The following HDAC8 variants were observed in gnomAD, a reference collection of about 807,000 sequenced individuals.
HDAC8 encodes the protein histone deacetylase 8.
HDAC8 carries 1 observed loss-of-function variant against 32.2 expected under a neutral mutation model. The ratio of observed to expected loss-of-function variants is 0.03; its 90% CI spans 0.01 to 0.15. The LOEUF (loss-of-function observed/expected upper bound fraction) is 0.15, where lower values mean the gene tolerates loss of function less well. HDAC8 is among the 10% of genes least tolerant of loss of function. The pLI, the probability that HDAC8 is intolerant of heterozygous loss-of-function variation, is 1.00. For synonymous variants in HDAC8, 108 were observed against 113.9 expected (o/e 0.95, Z 0.33); for missense variants, 117 against 300.0 (o/e 0.39, Z 4.51).
chrX:72,360,352 CAA>C (rs148601239), intron 9 of HDAC8, among the ~76,000 whole-genome samples: 7 of 100,547 alleles, frequency 7.0e-5, no homozygotes, highest in Admixed American at 2.1e-4. Context: ...GAGACTCCGT[CAA>C]AAAAAAAAAA....
At chrX:72,541,375 G>A (rs2050703279) in intron 4 of HDAC8, among the ~76,000 whole-genome samples, 1 of 111,878 alleles carries the variant, frequency 8.9e-6, no homozygotes, top group Non-Finnish European at 1.9e-5. Flanking sequence ...GAACAGTGAG[G>A]GAAAGCAGAG....
intron 7 of HDAC8, 106 bp from the exon 8 acceptor site, chrX:72,464,837 A>G: frequency 2.0e-6 from 1 of 505,804 alleles, no homozygotes; most frequent in Admixed American, 3.3e-5. Flanking sequence ...TAGTTAAGGG[A>G]AAAAAACACA....
At chrX:72,344,741 C>T (rs1478194045) in intron 10 of HDAC8, among the ~76,000 whole-genome samples, 1 of 110,867 alleles carries the variant, frequency 9.0e-6, no homozygotes, top group African/African-American at 3.3e-5. Flanking sequence ...TCTCCCTGAT[C>T]CTCTATAAAT....
intron 4 of HDAC8, among the ~76,000 whole-genome samples, chrX:72,497,777 C>CT (rs1556014057): frequency 9.0e-6 from 1 of 111,397 alleles, no homozygotes; most frequent in Non-Finnish European, 1.9e-5. Flanking sequence ...TTTATAAAAT[C>CT]TTTAGGTAAC....
chrX:72,484,556 G>A (rs781914041), intron 7 of HDAC8, among the ~76,000 whole-genome samples: 10 of 112,109 alleles, frequency 8.9e-5, no homozygotes, highest in African/African-American at 2.6e-4. Context: ...TTTCTTATGC[G>A]ATATCTATTG....
At chrX:72,395,177 T>A (rs782721431) in intron 9 of HDAC8, among the ~76,000 whole-genome samples, 2 of 112,908 alleles carry the variant, frequency 1.8e-5, no homozygotes, top group East Asian at 5.6e-4. Context: ...AGGGTGATTA[T>A]CTGCAAGTGA....
chrX:72,413,457 TG>T (rs1215847733), intron 9 of HDAC8, among the ~76,000 whole-genome samples: 1 of 110,835 alleles, frequency 9.0e-6, no homozygotes, highest in Non-Finnish European at 1.9e-5. Context: ...GCTGTGTAAC[TG>T]GTTTCTTGAC....
chrX:72,406,468 C>T (rs1224865958), intron 9 of HDAC8, among the ~76,000 whole-genome samples: 3 of 111,403 alleles, frequency 2.7e-5, no homozygotes, highest in African/African-American at 6.5e-5. Context: ...TGACCTCAAG[C>T]GACTCTCCTG....
At chrX:72,377,753 A>G (rs1041958049) in intron 9 of HDAC8, among the ~76,000 whole-genome samples, 2 of 111,679 alleles carry the variant, frequency 1.8e-5, no homozygotes, top group Non-Finnish European at 3.8e-5. Context: ...TGTTTTTAAA[A>G]TCCATTTGAC....
chrX:72,465,364 G>T (rs1555993725), intron 7 of HDAC8, among the ~76,000 whole-genome samples: 1 of 110,729 alleles, frequency 9.0e-6, no homozygotes, highest in East Asian at 2.8e-4. Flanking sequence ...ACAAATTGTA[G>T]TGTAACAATG....
chrX:72,381,093 A>G (rs1204607689), intron 9 of HDAC8, among the ~76,000 whole-genome samples: 2 of 112,067 alleles, frequency 1.8e-5, no homozygotes, highest in South Asian at 3.7e-4. Flanking sequence ...AGCTTGCAAG[A>G]ATGGCAAAAT....
intron 5 of HDAC8, 113 bp from the exon 6 acceptor site, chrX:72,491,119 T>C (rs1438803255): frequency 6.3e-6 from 3 of 479,253 alleles, no homozygotes; most frequent in Non-Finnish European, 1.1e-5. Flanking sequence ...AAGGCAGCAA[T>C]ATAAAACTAA....
chrX:72,346,866 T>C, intron 10 of HDAC8, among the ~76,000 whole-genome samples: 1 of 111,506 alleles, frequency 9.0e-6, no homozygotes, highest in South Asian at 3.8e-4. Context: ...TTCCAGGGAG[T>C]TTAGTGTTTA....
chrX:72,336,556 C>G (rs2043689774), intron 10 of HDAC8, among the ~76,000 whole-genome samples: 1 of 111,384 alleles, frequency 9.0e-6, no homozygotes, highest in Admixed American at 9.6e-5. Context: ...CTATTAATAT[C>G]TTTTGTCCAT....
intron 10 of HDAC8, among the ~76,000 whole-genome samples, chrX:72,348,502 G>A (rs1490727082): frequency 8.9e-6 from 1 of 112,493 alleles, no homozygotes; most frequent in Non-Finnish European, 1.9e-5. Context: ...AGTATAGCAG[G>A]TTAGCCTGGC....
intron 9 of HDAC8, among the ~76,000 whole-genome samples, chrX:72,367,406 C>T (rs1351233072): frequency 4.5e-5 from 5 of 112,070 alleles, no homozygotes; most frequent in African/African-American, 1.3e-4. Flanking sequence ...GGCTCTGTCG[C>T]CACGTTGGTC....
At chrX:72,471,953 T>C (rs782008349) in intron 7 of HDAC8, among the ~76,000 whole-genome samples, 53 of 112,506 alleles carry the variant, frequency 4.7e-4, no homozygotes, top group African/African-American at 1.7e-3. Flanking sequence ...ACATCTATGT[T>C]TTCATCTAAG....
chrX:72,442,836 G>A (rs2047203187), intron 9 of HDAC8, among the ~76,000 whole-genome samples: 1 of 111,136 alleles, frequency 9.0e-6, no homozygotes, highest in African/African-American at 3.3e-5. Context: ...AAAGGATGGA[G>A]GAAGATCTAC....
At chrX:72,484,917 T>A (rs1238073715) in intron 7 of HDAC8, among the ~76,000 whole-genome samples, 2 of 111,854 alleles carry the variant, frequency 1.8e-5, no homozygotes, top group South Asian at 3.7e-4. Flanking sequence ...TTCAAATATA[T>A]TATACTTAGA....
Sources: allele counts gnomAD v4.1 joint callset (sites outside exome capture counted in the v4.1 genomes callset), GRCh38; gene constraint gnomAD v4.1.1; transcripts MANE v1.5; gene names NCBI Gene and HGNC (gene_info 2026-07-23, HGNC 2026-07-21).